The following ZNF536 variants were observed in gnomAD, a reference collection of about 807,000 sequenced individuals.
ZNF536 encodes the protein zinc finger protein 536.
ZNF536 carries 13 observed loss-of-function variants against 84.5 expected under a neutral mutation model. The ratio of observed to expected loss-of-function variants is 0.15; its 90% CI spans 0.10 to 0.24. The LOEUF (loss-of-function observed/expected upper bound fraction) is 0.24, where lower values mean the gene tolerates loss of function less well. Among genes scored for constraint, ZNF536 ranks in the 10% least tolerant of loss-of-function variants. ZNF536 has a pLI of 1.00. For missense variants in ZNF536, 1,536 were observed against 1,747.5 expected (o/e 0.88, Z 2.16); for synonymous variants, 811 against 742.5 (o/e 1.09, Z -1.50).
At chr19:30,440,471 C>G (rs1439884320) in intron 1 of ZNF536, among the ~76,000 whole-genome samples, 1 of 152,202 alleles carries the variant, frequency 6.6e-6, no homozygotes, top group Non-Finnish European at 1.5e-5. Flanking sequence ...TCTCTATTCA[C>G]TCATTCATCC....
chr19:30,651,885 G>T (rs2049721666), intron 1 of ZNF536, among the ~76,000 whole-genome samples: 1 of 152,154 alleles, frequency 6.6e-6, no homozygotes, highest in Admixed American at 6.5e-5. Flanking sequence ...GTGTGTGTGT[G>T]GCTTAAGCAA....
chr19:30,412,574 A>G (rs1293311197), intron 1 of ZNF536, among the ~76,000 whole-genome samples: 1 of 152,012 alleles, frequency 6.6e-6, no homozygotes, highest in Non-Finnish European at 1.5e-5. Flanking sequence ...TTTATTTGAT[A>G]TTTATATTGC....
intron 1 of ZNF536, among the ~76,000 whole-genome samples, chr19:30,643,797 C>A (rs2049359302): frequency 6.6e-6 from 1 of 152,116 alleles, no homozygotes; most frequent in Non-Finnish European, 1.5e-5. Context: ...ACATCTCCCC[C>A]AGTTAACCCT....
chr19:30,604,680 C>T (rs1228722296), intron 1 of ZNF536, among the ~76,000 whole-genome samples: 2 of 152,130 alleles, frequency 1.3e-5, no homozygotes, highest in South Asian at 2.1e-4. Context: ...GTCAATAAAA[C>T]TTGTCAACAA....
chr19:30,584,441 G>A (rs546848077), intron 1 of ZNF536, among the ~76,000 whole-genome samples: 8 of 152,204 alleles, frequency 5.3e-5, no homozygotes, highest in South Asian at 4.1e-4. Context: ...ATGGCCCTGC[G>A]GTTACGCTTT....
At chr19:30,660,645 CCTT>C (rs2050090358) in intron 1 of ZNF536, among the ~76,000 whole-genome samples, 1 of 151,976 alleles carries the variant, frequency 6.6e-6, no homozygotes, top group Non-Finnish European at 1.5e-5. Context: ...ATTCAATTAA[CCTT>C]CTTCTCATTG....
intron 1 of ZNF536, among the ~76,000 whole-genome samples, chr19:30,430,070 G>A (rs550394429): frequency 1.3e-5 from 2 of 152,236 alleles, no homozygotes; most frequent in South Asian, 2.1e-4. Context: ...GGGAGTGGCT[G>A]TGTGGAAGAA....
At chr19:30,708,938 GT>G (rs2052353191) in intron 1 of ZNF536, among the ~76,000 whole-genome samples, 1 of 152,150 alleles carries the variant, frequency 6.6e-6, no homozygotes, top group Admixed American at 6.5e-5. Flanking sequence ...TTATTTACTT[GT>G]TTATTTTTTT....
chr19:30,295,203 T>C lies in ZNF536; in HGVS notation c.-120+11062T>C, dbSNP rs2045959380. Among the ~76,000 whole-genome samples the C allele has an allele frequency of 2.6e-5, 4 of 152,102 alleles. 1 individual carries two copies. Among genetic ancestry groups the C allele is most frequent in the Admixed American group, 2.6e-4 (4 of 15,264 alleles). ...GACCACACTTTGAGTAGCAAGAGAC[T>C]AGAGGGATAATTCTCAAACTTGGCT... On this transcript the variant is annotated intron_variant, in intron 2 of 5. Coordinates refer to the ZNF536 transcript ENST00000585628.
At chr19:30,590,621 G>A (rs1306685241) in intron 1 of ZNF536, among the ~76,000 whole-genome samples, 1 of 152,206 alleles carries the variant, frequency 6.6e-6, no homozygotes, top group African/African-American at 2.4e-5. Flanking sequence ...TGCAGAGCTG[G>A]AAGTAAGCAC....
intron 1 of ZNF536, among the ~76,000 whole-genome samples, chr19:30,591,973 C>T (rs923999424): frequency 2.0e-5 from 3 of 152,120 alleles, no homozygotes; most frequent in East Asian, 3.9e-4. Context: ...TATTTATTTT[C>T]ATATTAAAAT....
At chr19:30,326,679 C>T (rs145059953) in intron 2 of ZNF536, among the ~76,000 whole-genome samples, 6 of 148,250 alleles carry the variant, frequency 4.0e-5, no homozygotes, top group African/African-American at 7.5e-5. Flanking sequence ...GCGGGAGGCA[C>T]GAATGTGCCT....
chr19:30,678,733 G>A (rs540408533), intron 1 of ZNF536, among the ~76,000 whole-genome samples: 72 of 132,580 alleles, frequency 5.4e-4, no homozygotes, highest in Admixed American at 6.4e-4. Flanking sequence ...CCACCCCCAA[G>A]CCCCCCCACA....
At chr19:30,429,126 T>C (rs2051339804) in intron 1 of ZNF536, among the ~76,000 whole-genome samples, 1 of 152,220 alleles carries the variant, frequency 6.6e-6, no homozygotes, top group Admixed American at 6.5e-5. Flanking sequence ...GATGTAGTGG[T>C]GGGGAGGCCG....
intron 2 of ZNF536, among the ~76,000 whole-genome samples, chr19:30,304,695 T>C (rs1180019012): frequency 2.0e-5 from 3 of 152,050 alleles, no homozygotes; most frequent in South Asian, 2.1e-4. Context: ...TCCTATTAAG[T>C]CCAGGAGGAA....
intron 2 of ZNF536, chr19:30,300,373 T>C (rs1252221617): frequency 6.6e-6 from 1 of 152,198 alleles, no homozygotes; most frequent in Non-Finnish European, 1.5e-5. Flanking sequence ...AGCCTTCCTG[T>C]CCTCTGTATT....
intron 1 of ZNF536, among the ~76,000 whole-genome samples, chr19:30,666,761 T>C (rs760542614): frequency 4.0e-5 from 6 of 151,416 alleles, no homozygotes; most frequent in Non-Finnish European, 8.8e-5. Context: ...ATAATATAAA[T>C]ATACACACAA....
chr19:30,603,036 C>G (rs2047744470), intron 1 of ZNF536, among the ~76,000 whole-genome samples: 1 of 152,166 alleles, frequency 6.6e-6, no homozygotes, highest in South Asian at 2.1e-4. Flanking sequence ...GAGGTGTGTC[C>G]AGGTGGGTCC....
At chr19:30,574,121 T>C (rs1484451577) in intron 1 of ZNF536, among the ~76,000 whole-genome samples, 1 of 152,228 alleles carries the variant, frequency 6.6e-6, no homozygotes, top group East Asian at 1.9e-4. Flanking sequence ...CTAGCTGCAA[T>C]AGTATCTATT....
Sources: allele counts gnomAD v4.1 joint callset (sites outside exome capture counted in the v4.1 genomes callset), GRCh38; gene constraint gnomAD v4.1.1; transcripts MANE v1.5; gene names NCBI Gene and HGNC (gene_info 2026-07-23, HGNC 2026-07-21).